Variants in CAST observed in about 807,000 individuals in gnomAD.
The protein encoded by CAST is calpastatin.
CAST carries 76 observed loss-of-function variants against 119.6 expected under a neutral mutation model. That is an observed-to-expected ratio of 0.64 (90% CI 0.53 to 0.77). The LOEUF is 0.77. CAST is among the 30% of genes least tolerant of loss of function. CAST has a pLI of 0.00. For synonymous variants in CAST, 319 were observed against 331.6 expected, an observed-to-expected ratio of 0.96 and a Z score of 0.41; for missense variants, 953 against 946.5, an observed-to-expected ratio of 1.01 and a Z score of -0.09.
At chr5:96,248,414 G>A in the CAST span, among the ~76,000 whole-genome samples, 8 of 152,298 alleles carry the variant, frequency 5.3e-5, no homozygotes, top group African/African-American at 1.7e-4. Flanking sequence ...GAGATGAAAC[G>A]TGTGCCATAT....
At chr5:96,619,633 C>T (rs566497644) in intron 1 of CAST, among the ~76,000 whole-genome samples, 2 of 152,180 alleles carry the variant, frequency 1.3e-5, no homozygotes, top group African/African-American at 2.4e-5. Context: ...CTGCGAAGGT[C>T]TACAGCTTCA....
At chr5:96,469,085 A>G in the CAST span, among the ~76,000 whole-genome samples, 6 of 152,080 alleles carry the variant, frequency 3.9e-5, no homozygotes, top group Admixed American at 6.6e-5. Context: ...TTGCTCCAAT[A>G]CTGAAATAGA....
At chr5:96,768,154 G>A (rs1770728289) in intron 29 of CAST, among the ~76,000 whole-genome samples, 155 bp downstream of exon 29, 2 of 152,202 alleles carry the variant, frequency 1.3e-5, no homozygotes, top group Non-Finnish European at 2.9e-5. Flanking sequence ...TGTGATCTCA[G>A]CTTACTGCGA....
chr5:96,309,401 G>A, the CAST span, among the ~76,000 whole-genome samples: 1 of 152,210 alleles, frequency 6.6e-6, no homozygotes, highest in Non-Finnish European at 1.5e-5. Flanking sequence ...CATAGGGGTG[G>A]GACCTGCCAA....
intron 1 of CAST, among the ~76,000 whole-genome samples, chr5:96,622,850 T>C (rs1156367802): frequency 7.4e-6 from 1 of 135,888 alleles, no homozygotes; most frequent in African/African-American, 2.9e-5. Context: ...TAAGGACTTA[T>C]GGGACTCTTT....
chr5:96,128,927 A>G, the CAST span, among the ~76,000 whole-genome samples: 5 of 152,062 alleles, frequency 3.3e-5, no homozygotes, highest in Non-Finnish European at 7.4e-5. Flanking sequence ...AAGCTGTGAA[A>G]GTAGGGCCAG....
chr5:96,032,364 G>T, the CAST span, among the ~76,000 whole-genome samples: 3 of 152,096 alleles, frequency 2.0e-5, no homozygotes, highest in Non-Finnish European at 4.4e-5. Context: ...GTAAAAAAAA[G>T]TTGGACTTGG....
the CAST span, among the ~76,000 whole-genome samples, chr5:96,068,274 C>T: frequency 6.6e-6 from 1 of 151,956 alleles, no homozygotes; most frequent in Non-Finnish European, 1.5e-5. Context: ...GCCAAAAGAA[C>T]CTCTGGCCTT....
chr5:96,572,641 C>G (rs1746592062), intron 1 of CAST, among the ~76,000 whole-genome samples: 1 of 152,194 alleles, frequency 6.6e-6, no homozygotes, highest in South Asian at 2.1e-4. Context: ...GACTTGGTAT[C>G]TCCTGGCCTT....
chr5:96,696,072 A>T (rs1156918937), intron 3 of CAST, 165 bp downstream of exon 3: 1 of 409,692 alleles, frequency 2.4e-6, no homozygotes, highest in Admixed American at 4.1e-5. Context: ...CTTAATAATG[A>T]TGTGAATGAT....
At chr5:96,484,610 G>A in the CAST span, among the ~76,000 whole-genome samples, 1 of 152,132 alleles carries the variant, frequency 6.6e-6, no homozygotes, top group Non-Finnish European at 1.5e-5. Context: ...GTTAATCTCG[G>A]TTTACTAAAT....
chr5:96,154,573 G>A, the CAST span, among the ~76,000 whole-genome samples: 4 of 152,004 alleles, frequency 2.6e-5, no homozygotes, highest in Non-Finnish European at 4.4e-5. Context: ...TAATTTTTAC[G>A]TAATGTCCTT....
chr5:95,986,517 A>G, the CAST span, among the ~76,000 whole-genome samples: 7 of 152,316 alleles, frequency 4.6e-5, no homozygotes, highest in African/African-American at 1.7e-4. Flanking sequence ...GGTTGCCTGT[A>G]CTTAACAGGA....
intron 20 of CAST, among the ~76,000 whole-genome samples, chr5:96,751,104 A>G (rs1161531939): frequency 6.6e-6 from 1 of 152,070 alleles, no homozygotes; most frequent in East Asian, 1.9e-4. Context: ...AACTGACTCA[A>G]TTTCTTTCTC....
At chr5:96,006,897 C>T in the CAST span, among the ~76,000 whole-genome samples, 1 of 152,158 alleles carries the variant, frequency 6.6e-6, no homozygotes, top group Admixed American at 6.5e-5. Flanking sequence ...TGTTTTCACT[C>T]TGTGGGTTCA....
At chr5:96,143,564 G>T in the CAST span, among the ~76,000 whole-genome samples, 1 of 152,236 alleles carries the variant, frequency 6.6e-6, no homozygotes, top group Non-Finnish European at 1.5e-5. Flanking sequence ...AGGGCGGGTA[G>T]AGTGCCTGGT....
At chr5:96,606,706 GT>G (rs1246303299) in intron 1 of CAST, among the ~76,000 whole-genome samples, 1 of 152,168 alleles carries the variant, frequency 6.6e-6, no homozygotes, top group African/African-American at 2.4e-5. Flanking sequence ...CTTTTTGTTT[GT>G]TTGTTTTTGT....
intron 3 of CAST, 47 bp from the exon 4 acceptor site, chr5:96,722,592 G>A: frequency 7.2e-7 from 1 of 1,389,852 alleles, no homozygotes; most frequent in Non-Finnish European, 1.0e-6. Flanking sequence ...CATGTAGATT[G>A]TAGGTTAAAT....
the CAST span, among the ~76,000 whole-genome samples, chr5:96,246,926 TC>T: frequency 2.0e-5 from 3 of 152,220 alleles, no homozygotes; most frequent in Admixed American, 2.0e-4. Flanking sequence ...GTGTTAAAAC[TC>T]CACTTCTTTT....
Sources: gnomAD v4.1 joint callset for allele counts (sites outside exome capture counted in the v4.1 genomes callset) on GRCh38, gnomAD v4.1.1 for gene constraint, MANE v1.5 for transcripts, NCBI Gene and HGNC (gene_info 2026-07-23, HGNC 2026-07-21) for gene names.